DYM: variants seen among roughly 807,000 people sequenced by gnomAD.
DYM encodes the protein dymeclin, also known as dyggve-Melchior-Clausen syndrome protein.
Under a neutral mutation model 93.1 loss-of-function variants are expected in DYM, and 78 were observed. The observed-to-expected ratio is 0.84, with a 90% CI of 0.70 to 1.01. The LOEUF is 1.01. Ranked by LOEUF, DYM falls within the 50% of genes least tolerant of loss-of-function variation. The pLI is 0.00. For missense variants in DYM, 789 were observed against 845.0 expected (o/e 0.93, Z 0.82); for synonymous variants, 321 against 319.7 (o/e 1.00, Z -0.04).
At chr18:49,144,150 C>T (rs568516754) in intron 15 of DYM, among the ~76,000 whole-genome samples, 1 of 152,248 alleles carries the variant, frequency 6.6e-6, no homozygotes, top group South Asian at 2.1e-4. Context: ...TTTTCTCTCT[C>T]TCCTTTCTTA....
chr18:49,454,514 A>C (rs1350998259), intron 1 of DYM, among the ~76,000 whole-genome samples: 1 of 151,996 alleles, frequency 6.6e-6, no homozygotes, highest in East Asian at 1.9e-4. Context: ...AGGTTGAGGC[A>C]ACCAGCCTTC....
At chr18:49,118,102 T>C (rs959194916) in intron 16 of DYM, among the ~76,000 whole-genome samples, 3 of 140,168 alleles carry the variant, frequency 2.1e-5, no homozygotes, top group Non-Finnish European at 4.6e-5. Context: ...CTCTATTTCC[T>C]GGGTTCAAGC....
intron 8 of DYM, among the ~76,000 whole-genome samples, chr18:49,325,235 A>G (rs187074530): frequency 1.3e-5 from 2 of 152,368 alleles, no homozygotes; most frequent in East Asian, 3.9e-4. Flanking sequence ...GTTCCTTATT[A>G]ACTCTAAAGT....
intron 8 of DYM, among the ~76,000 whole-genome samples, chr18:49,331,328 A>G (rs985646547): frequency 2.6e-5 from 4 of 152,250 alleles, no homozygotes; most frequent in Non-Finnish European, 5.9e-5. Flanking sequence ...ATTGTAAGGT[A>G]GGGAAGAGCT....
At chr18:49,228,301 G>A (rs1337343787) in intron 13 of DYM, among the ~76,000 whole-genome samples, 1 of 152,070 alleles carries the variant, frequency 6.6e-6, no homozygotes, top group East Asian at 1.9e-4. Flanking sequence ...GCTGGGCTGG[G>A]ATTCAGAGTC....
At chr18:49,346,760 A>G (rs758641486) in intron 6 of DYM, among the ~76,000 whole-genome samples, 1 of 152,242 alleles carries the variant, frequency 6.6e-6, no homozygotes, top group Non-Finnish European at 1.5e-5. Flanking sequence ...AACAATATGT[A>G]GAATTTCCTG....
intron 3 of DYM, among the ~76,000 whole-genome samples, chr18:49,389,039 A>C (rs1414553268): frequency 6.6e-6 from 1 of 152,144 alleles, no homozygotes; most frequent in Non-Finnish European, 1.5e-5. Flanking sequence ...ATGCACTTAT[A>C]CTTATTGATG....
chr18:49,447,907 G>A (rs2082230665), intron 1 of DYM, among the ~76,000 whole-genome samples: 1 of 152,132 alleles, frequency 6.6e-6, no homozygotes, highest in African/African-American at 2.4e-5. Context: ...CCCCAACAGT[G>A]AGAATCTCTC....
chr18:49,366,068 G>A (rs1389012501), intron 5 of DYM, among the ~76,000 whole-genome samples: 1 of 150,926 alleles, frequency 6.6e-6, no homozygotes, highest in East Asian at 2.0e-4. Flanking sequence ...AATATCTTAA[G>A]ACTTCCATTC....
intron 6 of DYM, among the ~76,000 whole-genome samples, chr18:49,360,243 ATT>A: frequency 7.4e-6 from 1 of 135,596 alleles, no homozygotes; most frequent in South Asian, 2.3e-4. Context: ...TCACCAAAAC[ATT>A]TTATCAATAA....
At chr18:49,083,500 A>G (rs147349816) in intron 17 of DYM, among the ~76,000 whole-genome samples, 3 of 152,198 alleles carry the variant, frequency 2.0e-5, no homozygotes, top group African/African-American at 7.2e-5. Flanking sequence ...TTTGTTATCA[A>G]GGTCATACTG....
chr18:49,049,052 A>G (rs1034141920), intron 17 of DYM, among the ~76,000 whole-genome samples: 5 of 152,246 alleles, frequency 3.3e-5, no homozygotes, highest in African/African-American at 1.2e-4. Flanking sequence ...GGTATAAAAT[A>G]GTATAAACTT....
intron 13 of DYM, among the ~76,000 whole-genome samples, chr18:49,247,450 C>A (rs1413492027): frequency 1.3e-5 from 2 of 152,062 alleles, no homozygotes; most frequent in African/African-American, 2.4e-5. Flanking sequence ...AATCTTACAA[C>A]CTTCATAAAA....
At chr18:49,451,995 A>G (rs1452323580) in intron 1 of DYM, among the ~76,000 whole-genome samples, 1 of 152,160 alleles carries the variant, frequency 6.6e-6, no homozygotes, top group Non-Finnish European at 1.5e-5. Context: ...ACTACACCAC[A>G]CTTGTGGGAA....
At position 49,191,478 on chromosome 18, in the gene DYM, T is replaced by C. The variant is rs1568571139; in HGVS notation, c.1625+18073A>G. Among the ~76,000 whole-genome samples the C allele has an allele frequency of 2.6e-5, 4 of 152,120 alleles. No individual in the cohort carries two copies. The South Asian group carries it at 8.3e-4, about 32-fold the overall frequency. On this transcript the variant is annotated intron_variant, in intron 14 of 17. Transcript: ENST00000675505. Reference sequence around the variant, plus strand: ...ATAAAAAATCAAAACCGAACTTAGATATTTTGGATACAACACCATGAAATT... The same window carrying C: ...ATAAAAAATCAAAACCGAACTTAGACATTTTGGATACAACACCATGAAATT...
At chr18:49,097,061 T>C (rs2079609036) in intron 17 of DYM, 2 of 385,492 alleles carry the variant, frequency 5.2e-6, no homozygotes, top group Non-Finnish European at 9.8e-6. Context: ...TATGGAAATA[T>C]TAGCTACTCT....
chr18:49,273,679 A>C (rs1476460075), intron 10 of DYM, among the ~76,000 whole-genome samples: 1 of 152,168 alleles, frequency 6.6e-6, no homozygotes. Flanking sequence ...CATAAAGCTT[A>C]GGTGTGTAGT....
At chr18:49,137,636 C>A (rs1222280284) in intron 15 of DYM, among the ~76,000 whole-genome samples, 2 of 152,024 alleles carry the variant, frequency 1.3e-5, no homozygotes, top group Admixed American at 6.6e-5. Flanking sequence ...TAAAGGGTGG[C>A]CATAATTCTC....
At chr18:49,184,491 A>G (rs1320405389) in intron 14 of DYM, among the ~76,000 whole-genome samples, 1 of 152,174 alleles carries the variant, frequency 6.6e-6, no homozygotes, top group African/African-American at 2.4e-5. Context: ...TACTGCAGCA[A>G]TACAGTATTC....
Sources: allele counts gnomAD v4.1 joint callset (sites outside exome capture counted in the v4.1 genomes callset), GRCh38; gene constraint gnomAD v4.1.1; transcripts MANE v1.5; gene names NCBI Gene and HGNC (gene_info 2026-07-23, HGNC 2026-07-21).